NAV2: variants seen among roughly 807,000 people sequenced by gnomAD.
The protein encoded by NAV2 is neuron navigator 2, also known as helicase, APC down-regulated 1.
A neutral mutation model predicts 223.2 loss-of-function variants in NAV2; 54 were observed. The ratio of observed to expected loss-of-function variants is 0.24; its 90% CI spans 0.19 to 0.30. NAV2 has a LOEUF of 0.30. Among genes scored for constraint, NAV2 ranks in the 10% least tolerant of loss-of-function variants. The pLI is 1.00. For synonymous variants in NAV2, 1,279 were observed against 1,239.3 expected (o/e 1.03, Z -0.67); for missense variants, 2,806 against 3,147.5 (o/e 0.89, Z 2.60).
At chr11:19,922,708 G>T (rs2044381076) in intron 6 of NAV2, among the ~76,000 whole-genome samples, 1 of 152,164 alleles carries the variant, frequency 6.6e-6, no homozygotes, top group Admixed American at 6.5e-5. Context: ...CCACGGTTCT[G>T]TTGCCCGCTT....
At chr11:19,373,240 T>A (rs1848530524) in intron 1 of NAV2, among the ~76,000 whole-genome samples, 1 of 152,212 alleles carries the variant, frequency 6.6e-6, no homozygotes, top group Non-Finnish European at 1.5e-5. Context: ...TGGCCTTACC[T>A]TTCACCTCTA....
intron 1 of NAV2, among the ~76,000 whole-genome samples, chr11:19,478,574 G>T (rs2042187964): frequency 6.6e-6 from 1 of 152,166 alleles, no homozygotes; most frequent in Non-Finnish European, 1.5e-5. Context: ...AAAATTTGTA[G>T]AGCACCTACA....
chr11:19,647,776 G>C (rs909142178), intron 1 of NAV2, among the ~76,000 whole-genome samples: 3 of 152,286 alleles, frequency 2.0e-5, no homozygotes, highest in East Asian at 1.9e-4. Flanking sequence ...GAGAGAATAG[G>C]TGGGCTCTGG....
At chr11:19,787,699 C>A (rs1029921304) in intron 1 of NAV2, among the ~76,000 whole-genome samples, 2 of 152,064 alleles carry the variant, frequency 1.3e-5, no homozygotes, top group African/African-American at 4.8e-5. Flanking sequence ...GGAAAAGTTA[C>A]CTCCTCTGAA....
intron 6 of NAV2, among the ~76,000 whole-genome samples, chr11:19,909,869 A>G (rs186618826): frequency 6.6e-6 from 1 of 152,304 alleles, no homozygotes; most frequent in Admixed American, 6.5e-5. Flanking sequence ...CGCCTGCCTT[A>G]TAAATAACTT....
At chr11:20,079,341 G>A (rs1367031761) in intron 24 of NAV2, among the ~76,000 whole-genome samples, 2 of 152,126 alleles carry the variant, frequency 1.3e-5, no homozygotes, top group African/African-American at 2.4e-5. Flanking sequence ...ACACCCGGCC[G>A]AGGGTCACTT....
At chr11:19,860,562 G>C (rs1399857498) in intron 3 of NAV2, among the ~76,000 whole-genome samples, 49 of 151,020 alleles carry the variant, frequency 3.2e-4, no homozygotes, top group Admixed American at 1.2e-3. Context: ...CAGCCAGGCA[G>C]AGGGGCTCCT....
chr11:19,934,073 C>T lies in NAV2; in HGVS notation c.1829C>T (p.Ser610Phe). ...AAGCCCCAGCTGGACGGCAGACACTCCAGTTCCTCTTCCAGCCTGGCGTCC... is the reference window on the plus strand; with the variant it reads ...AAGCCCCAGCTGGACGGCAGACACTTCAGTTCCTCTTCCAGCCTGGCGTCC... ...QQKPQLDGRH[S>F]SSSSSLASSE... is the part of the protein sequence containing the mutation. Residue 610 changes from serine (S) to phenylalanine (F), a missense_variant, in exon 7 of 38, where the codon TCC becomes TTC. Ser to Phe is a radical substitution (Grantham distance 155). This residue lies in a region of NAV2 where 1,167 missense variants were observed against 1,180.5 expected (regional missense o/e 0.99). Transcript: ENST00000349880. 1.2e-6 allele frequency: 2 copies of T among 1,610,976 alleles called. No individual in the cohort carries two copies. The highest frequency in any genetic ancestry group is 1.7e-6 in the Non-Finnish European group (2 of 1,178,500).
intron 1 of NAV2, among the ~76,000 whole-genome samples, chr11:19,642,132 G>A (rs1055780515): frequency 1.3e-5 from 2 of 152,116 alleles, no homozygotes; most frequent in Non-Finnish European, 2.9e-5. Context: ...GGATCCCACT[G>A]GACATCCCTA....
chr11:19,659,871 G>T (rs997122799), intron 1 of NAV2, among the ~76,000 whole-genome samples: 2 of 151,968 alleles, frequency 1.3e-5, no homozygotes, highest in Non-Finnish European at 2.9e-5. Flanking sequence ...TACTTCACAG[G>T]GTTGTTGTGA....
At chr11:19,401,276 G>T (rs1268164760) in intron 1 of NAV2, among the ~76,000 whole-genome samples, 5 of 152,046 alleles carry the variant, frequency 3.3e-5, no homozygotes, top group South Asian at 2.1e-4. Flanking sequence ...TTTTTCTTTG[G>T]GATATTCATG....
At chr11:20,060,316 C>G (rs190512448) in intron 19 of NAV2, among the ~76,000 whole-genome samples, 1 of 152,364 alleles carries the variant, frequency 6.6e-6, no homozygotes, top group Admixed American at 6.5e-5. Context: ...CAACATAATT[C>G]CTCCACTATT....
rs1208773901 is a variant in NAV2 at position 19,933,127 on chromosome 11, G to A, written c.932-49G>A. 6.8e-7 allele frequency: 1 copy of A among 1,480,914 alleles called. No homozygotes were observed. The allele number at this position is 1,480,914 out of a possible 1,614,324, so 91.7% of individuals were successfully genotyped here. The stretch of plus-strand genomic sequence containing the variant: ...CATGGCTGACCCTCCCTGGTCTTCA[G>A]TGCAGGTCAACAAGTATGATTCAGG... On this transcript the variant is annotated intron_variant, in intron 6 of 37. Coordinates refer to ENST00000349880, the MANE Select transcript of NAV2 (RefSeq NM_145117.5). The surrounding 1 kb of genome is among the most constrained non-coding windows in gnomAD (Gnocchi z 4.3).
Position 20,048,854 on chromosome 11 carries a change from C to T in NAV2, c.4029C>T (p.Gly1343=). The change falls in exon 15 of 38, where the codon GGC becomes GGT. Residue 1343 remains glycine, a synonymous_variant. Transcript: ENST00000349880. The part of the protein sequence containing the change: ...TQQGNLDSPS[G]SGVLSSGSSS... The stretch of plus-strand genomic sequence containing the variant: ...AAGGTAACCTAGACTCCCCGTCAGG[C>T]AGTGGCGTCCTGAGCAGTGGGAGCA... The T allele has an allele frequency of 1.2e-6, 2 of 1,614,214 alleles. No homozygotes were observed. The highest frequency in any genetic ancestry group is 1.7e-6 in the Non-Finnish European group (2 of 1,180,020).
intron 1 of NAV2, among the ~76,000 whole-genome samples, chr11:19,480,551 G>T (rs1260464815): frequency 6.6e-6 from 1 of 152,178 alleles, no homozygotes; most frequent in African/African-American, 2.4e-5. Flanking sequence ...TGTTTACAAT[G>T]GTGTTCAGCA....
intron 5 of NAV2, among the ~76,000 whole-genome samples, chr11:19,891,366 C>A (rs1342673369): frequency 6.6e-6 from 1 of 152,144 alleles, no homozygotes; most frequent in Admixed American, 6.5e-5. Flanking sequence ...TTGGAAACAG[C>A]CTGCTTAGTA....
At chr11:19,990,528 C>T (rs2051228745) in intron 11 of NAV2, among the ~76,000 whole-genome samples, 1 of 152,042 alleles carries the variant, frequency 6.6e-6, no homozygotes, top group African/African-American at 2.4e-5. Context: ...CTTCCCCCTC[C>T]CCCCATTACC....
chr11:20,096,187 C>T (rs567302723), intron 30 of NAV2, among the ~76,000 whole-genome samples: 7 of 152,332 alleles, frequency 4.6e-5, no homozygotes, highest in African/African-American at 1.7e-4. Flanking sequence ...TTCCCGGTAT[C>T]CTGTGCCAAC....
intron 1 of NAV2, among the ~76,000 whole-genome samples, chr11:19,400,657 A>G (rs1849644488): frequency 2.0e-5 from 3 of 152,230 alleles, no homozygotes; most frequent in Admixed American, 6.5e-5. Flanking sequence ...AAGAATTAGA[A>G]TTAGAAAAAG....
Sources: allele counts gnomAD v4.1 joint callset (sites outside exome capture counted in the v4.1 genomes callset), GRCh38; gene constraint gnomAD v4.1.1; regional missense constraint gnomAD v4.1.1; non-coding constraint Gnocchi (gnomAD v3.1); transcripts MANE v1.5; gene names NCBI Gene and HGNC (gene_info 2026-07-23, HGNC 2026-07-21).